Variants in MORC1 observed in about 807,000 individuals in gnomAD.
The protein encoded by MORC1 is MORC family CW-type zinc finger protein 1.
MORC1 carries 59 observed loss-of-function variants against 134.9 expected under a neutral mutation model. The observed-to-expected ratio is 0.44, with a 90% confidence interval of 0.35 to 0.54. The LOEUF (loss-of-function observed/expected upper bound fraction) is 0.54. Among genes scored for constraint, MORC1 ranks in the 20% least tolerant of loss-of-function variants. The pLI, the probability that MORC1 is intolerant of heterozygous loss-of-function variation, is 0.00. For synonymous variants in MORC1, 395 were observed against 391.7 expected, an observed-to-expected ratio of 1.01 and a Z score of -0.10; for missense variants, 947 against 1,134.5, an observed-to-expected ratio of 0.83 and a Z score of 2.37.
rs780497616 is a variant in MORC1 at position 108,987,592 on chromosome 3, A to G, written c.2188-643T>C. Among the ~76,000 whole-genome samples, 86 of 151,796 alleles carry G rather than the reference A, an allele frequency of 5.7e-4. 2 individuals are homozygous for G. Among genetic ancestry groups the G allele is most frequent in the Non-Finnish European group, 8.8e-5 (6 of 67,950 alleles). ...GGTTACTGGCACCTGGAGAGAGAGG[A>G]TGGATATGTGCTGGTGTGCGATTGG... On this transcript the variant is annotated intron_variant, in intron 21 of 27. Transcript: ENST00000232603.
chr3:108,981,440 T>G (rs1372257758), intron 23 of MORC1, among the ~76,000 whole-genome samples: 4 of 152,302 alleles, frequency 2.6e-5, no homozygotes, highest in African/African-American at 9.6e-5. Flanking sequence ...TAAAGAATAT[T>G]TACACAATGT....
At chr3:108,998,011 G>A (rs757760931) in intron 21 of MORC1, among the ~76,000 whole-genome samples, 1 of 152,198 alleles carries the variant, frequency 6.6e-6, no homozygotes, top group Non-Finnish European at 1.5e-5. Flanking sequence ...ATAGGGCAAA[G>A]GTTCGCTGAG....
chr3:108,960,717 C>T (rs1947057184), intron 27 of MORC1, among the ~76,000 whole-genome samples: 1 of 152,090 alleles, frequency 6.6e-6, no homozygotes, highest in Admixed American at 6.6e-5. Flanking sequence ...TTCCTCTCAT[C>T]AGACAAGGGC....
intron 14 of MORC1, among the ~76,000 whole-genome samples, chr3:109,040,403 A>AAAGAAAGAAAAGGAAGGAAG (rs1553753628): frequency 1.5e-4 from 2 of 13,558 alleles, no homozygotes; most frequent in African/African-American, 3.3e-4. Flanking sequence ...AGAAAGAAAG[A>AAAGAAAGAAAAGGAAGGAAG]GAAGGAAGGA....
At chr3:108,971,043 A>T (rs147231754) in intron 25 of MORC1, among the ~76,000 whole-genome samples, 1 of 152,234 alleles carries the variant, frequency 6.6e-6, no homozygotes, top group African/African-American at 2.4e-5. Context: ...GTATCTAAGG[A>T]ACAGAAACTC....
intron 23 of MORC1, among the ~76,000 whole-genome samples, chr3:108,981,724 TTTG>T (rs1462643029): frequency 2.6e-5 from 4 of 152,220 alleles, no homozygotes; most frequent in African/African-American, 9.6e-5. Flanking sequence ...AATACCTATT[TTTG>T]TTGTTATGAT....
rs1367526527 is a variant in MORC1 at position 108,996,284 on chromosome 3, G to GCACACACACACACA, written c.2187+4272_2187+4273insTGTGTGTGTGTGTG. 5.4e-3 allele frequency among the ~76,000 whole-genome samples: 417 copies of GCACACACACACACA among 77,560 alleles called. 1 individual carries two copies. The highest frequency in any genetic ancestry group is 8.6e-3 in the Non-Finnish European group (271 of 31,354). The allele number at this position is 77,560 out of a possible 152,430, so 50.9% of individuals were successfully genotyped here. On this transcript the variant is annotated intron_variant, in intron 21 of 27. Transcript: ENST00000232603. ...CACATGTGCGCGTGCGTGCGCGCGC[G>GCACACACACACACA]CGCACACACACACACACACACACAA...
Position 109,054,844 on chromosome 3 carries a change from A to T in MORC1, c.1214T>A (p.Leu405Ter). 2 of 1,606,436 alleles carry T rather than the reference A, an allele frequency of 1.2e-6. No individual in the cohort carries two copies. Among genetic ancestry groups the T allele is most frequent in the Non-Finnish European group, 1.7e-6 (2 of 1,178,330 alleles). ...ATTATGGGATGGTTCCATGACCTCC[A>T]AGGGTATATTAACAATTCCAACCAC... ...AGVVGIVNIPLEVMEPSHNKQ... is the reference protein window; with the variant it reads ...AGVVGIVNIP Residue 405 changes from leucine (L) to a stop codon, truncating the protein, a stop_gained, in exon 14 of 28, where the codon TTG (leucine) becomes TAG (stop). Coordinates refer to ENST00000232603, the MANE Select transcript of MORC1 (RefSeq NM_014429.4). LOFTEE classifies it high-confidence loss of function.
rs746885608 is a variant in MORC1 at position 109,095,086 on chromosome 3, C to T, written c.424-18G>A. The T allele has an allele frequency of 6.4e-7, 1 of 1,553,078 alleles. No homozygotes were observed. Among genetic ancestry groups the T allele is most frequent in the Non-Finnish European group, 8.6e-7 (1 of 1,156,518 alleles). On this transcript the variant is annotated intron_variant, in intron 6 of 27. Coordinates refer to ENST00000232603, the MANE Select transcript of MORC1 (RefSeq NM_014429.4). ...ACTACAACCTATTTAAAAAAAAACA[C>T]ATCAATTTACTATGAAATACACAAA...
chr3:109,042,117 G>C (rs931487066), intron 14 of MORC1, among the ~76,000 whole-genome samples: 1 of 152,156 alleles, frequency 6.6e-6, no homozygotes, highest in African/African-American at 2.4e-5. Flanking sequence ...TACTCATTAG[G>C]ATTAGGATTA....
At chr3:109,051,121 G>T (rs1260757777) in intron 14 of MORC1, among the ~76,000 whole-genome samples, 6 of 152,182 alleles carry the variant, frequency 3.9e-5, no homozygotes, top group Non-Finnish European at 5.9e-5. Context: ...AGACAGTGAG[G>T]TGAAGTCAGA....
At chr3:109,054,924 A>G (rs756660425) in intron 13 of MORC1, 42 bp from the exon 14 acceptor site, 4 of 1,548,750 alleles carry the variant, frequency 2.6e-6, no homozygotes, top group African/African-American at 1.4e-5. Context: ...AAATTTGGCT[A>G]AAGAAAAAAA....
At chr3:108,968,918 C>T (rs1382418345) in intron 26 of MORC1, among the ~76,000 whole-genome samples, 2 of 151,770 alleles carry the variant, frequency 1.3e-5, no homozygotes, top group African/African-American at 2.4e-5. Context: ...TCATCCCCTA[C>T]ATCAGCTTGG....
intron 24 of MORC1, among the ~76,000 whole-genome samples, chr3:108,976,542 T>A (rs1190690009): frequency 4.6e-5 from 7 of 152,190 alleles, no homozygotes; most frequent in African/African-American, 1.7e-4. Context: ...ACAAGAAATC[T>A]GTTTTCACTG....
intron 14 of MORC1, among the ~76,000 whole-genome samples, chr3:109,038,968 G>A (rs1434763194): frequency 6.6e-6 from 1 of 152,166 alleles, no homozygotes; most frequent in African/African-American, 2.4e-5. Context: ...TCAGGCTGAA[G>A]TGCAGTGGTG....
chr3:108,966,884 GAAT>G (rs1947234871), intron 26 of MORC1, among the ~76,000 whole-genome samples: 2 of 152,116 alleles, frequency 1.3e-5, no homozygotes, highest in South Asian at 4.1e-4. Flanking sequence ...TGTGAGGAAA[GAAT>G]AAAAGATAAT....
At chr3:108,966,748 C>T (rs1947229829) in intron 26 of MORC1, among the ~76,000 whole-genome samples, 1 of 151,940 alleles carries the variant, frequency 6.6e-6, no homozygotes, top group Admixed American at 6.6e-5. Context: ...TCAAGAGGCC[C>T]ACTGTGTATT....
intron 17 of MORC1, among the ~76,000 whole-genome samples, chr3:109,007,939 A>ATGTGTGTGTG (rs1316078685): frequency 1.6e-4 from 22 of 136,736 alleles, no homozygotes; most frequent in Non-Finnish European, 3.4e-4. Flanking sequence ...AAGCACATAT[A>ATGTGTGTGTG]TATGTGTGTG....
chr3:109,032,828 G>A lies in MORC1; in HGVS notation c.1460-3C>T, dbSNP rs1038788964. ...GACTCTCCATTTAAGACAAAGATCTGACAATCAAAACAAAATGACACAGAA... is the reference window on the plus strand; with the variant it reads ...GACTCTCCATTTAAGACAAAGATCTAACAATCAAAACAAAATGACACAGAA... On this transcript the variant is annotated splice_region_variant and splice_polypyrimidine_tract_variant and intron_variant, in intron 15 of 27. Transcript: ENST00000232603. 3 of 1,533,524 alleles carry A rather than the reference G, an allele frequency of 2.0e-6. No homozygotes were observed. Among genetic ancestry groups the A allele is most frequent in the Non-Finnish European group, 2.7e-6 (3 of 1,115,456 alleles). 95.0% of individuals were successfully genotyped at this position (1,533,524 alleles called of 1,614,324 possible).
Sources: gnomAD v4.1 joint callset for allele counts (sites outside exome capture counted in the v4.1 genomes callset) on GRCh38, gnomAD v4.1.1 for gene constraint, MANE v1.5 for transcripts, NCBI Gene and HGNC (gene_info 2026-07-23, HGNC 2026-07-21) for gene names.